Variants in CDH12 observed in about 807,000 individuals in gnomAD.
CDH12 encodes the protein cadherin-12.
CDH12 carries 41 observed loss-of-function variants against 74.1 expected under a neutral mutation model. The ratio of observed to expected loss-of-function variants is 0.55; its 90% CI spans 0.43 to 0.72. The LOEUF (loss-of-function observed/expected upper bound fraction) is 0.72, where lower values mean the gene tolerates loss of function less well. CDH12 is among the 30% of genes least tolerant of loss of function. The pLI is 0.00. For missense variants in CDH12, 945 were observed against 977.2 expected, an observed-to-expected ratio of 0.97 and a Z score of 0.44; for synonymous variants, 399 against 355.0, an observed-to-expected ratio of 1.12 and a Z score of -1.39.
At chr5:21,943,573 A>G (rs1755436584) in intron 6 of CDH12, among the ~76,000 whole-genome samples, 1 of 152,224 alleles carries the variant, frequency 6.6e-6, no homozygotes, top group African/African-American at 2.4e-5. Flanking sequence ...CCATTACATT[A>G]GGATTACATA....
chr5:21,802,284 T>C lies in CDH12; in HGVS notation c.1139A>G (p.Glu380Gly). 6.2e-7 allele frequency: 1 copy of C among 1,611,006 alleles called. No homozygotes were observed. Among genetic ancestry groups the C allele is most frequent in the Non-Finnish European group, 8.5e-7 (1 of 1,178,864 alleles). Reference protein sequence around the residue: ...TVKISVLDVDEPPVFSKPLYT... With the variant: ...TVKISVLDVDGPPVFSKPLYT... ...GAGCGGCTTGCTGAAAACCGGTGGC[T>C]CATCTACGTCCAGCACGCTGATCTT... Residue 380 changes from glutamate to glycine, a missense_variant, in exon 10 of 15, where the codon GAG (glutamate) becomes GGG (glycine). By Grantham distance (98) the Glu-to-Gly change is moderately conservative (BLOSUM62 -2). Transcript: ENST00000382254.
At chr5:22,315,119 C>CTTTTTTTTTTTTTTTTTTT (rs70959715) in intron 3 of CDH12, among the ~76,000 whole-genome samples, 2 of 22,996 alleles carry the variant, frequency 8.7e-5, no homozygotes, top group Non-Finnish European at 1.4e-4. Context: ...GCCTGCCTGG[C>CTTTTTTTTTTTTTTTTTTT]TTTTTTTTTT....
chr5:21,770,898 A>C (rs181102357), intron 11 of CDH12, among the ~76,000 whole-genome samples: 8 of 152,300 alleles, frequency 5.3e-5, no homozygotes, highest in African/African-American at 1.9e-4. Flanking sequence ...GAATAAGATC[A>C]TGACCTTTGC....
intron 6 of CDH12, among the ~76,000 whole-genome samples, chr5:21,937,247 T>C (rs1184923936): frequency 6.6e-6 from 1 of 152,156 alleles, no homozygotes; most frequent in Non-Finnish European, 1.5e-5. Context: ...GCCTTATATG[T>C]TATAAAAGGG....
chr5:21,907,228 C>T (rs183302385), intron 6 of CDH12, among the ~76,000 whole-genome samples: 1 of 152,210 alleles, frequency 6.6e-6, no homozygotes, highest in Non-Finnish European at 1.5e-5. Context: ...AAAAAATACG[C>T]CCAAATAGGG....
intron 1 of CDH12, among the ~76,000 whole-genome samples, chr5:22,622,384 T>C (rs1464482779): frequency 6.6e-6 from 1 of 151,912 alleles, no homozygotes; most frequent in Non-Finnish European, 1.5e-5. Flanking sequence ...CTGGACTAAA[T>C]GAGGAGGAAG....
intron 1 of CDH12, among the ~76,000 whole-genome samples, chr5:22,651,356 G>A (rs1366065967): frequency 6.6e-6 from 1 of 152,034 alleles, no homozygotes. Context: ...AAAAAGGAAG[G>A]GGGAGGCTTA....
chr5:21,834,742 T>C (rs1477817959), intron 8 of CDH12, among the ~76,000 whole-genome samples: 1 of 151,996 alleles, frequency 6.6e-6, no homozygotes, highest in Non-Finnish European at 1.5e-5. Flanking sequence ...ATGCATTTTG[T>C]AGTCAAAACT....
At chr5:21,790,229 C>T (rs1746414420) in intron 10 of CDH12, among the ~76,000 whole-genome samples, 1 of 151,902 alleles carries the variant, frequency 6.6e-6, no homozygotes, top group Non-Finnish European at 1.5e-5. Flanking sequence ...AGTGAATCAC[C>T]ACATATACAG....
chr5:22,231,228 C>T (rs1358344038), intron 3 of CDH12, among the ~76,000 whole-genome samples: 2 of 152,080 alleles, frequency 1.3e-5, no homozygotes, highest in African/African-American at 4.8e-5. Context: ...TCCCAGTTTA[C>T]AATAGGGATT....
intron 1 of CDH12, among the ~76,000 whole-genome samples, chr5:22,593,997 G>A (rs1736474864): frequency 6.6e-6 from 1 of 152,194 alleles, no homozygotes; most frequent in Admixed American, 6.5e-5. Flanking sequence ...AGGAAGGAAT[G>A]CTTGAATTGG....
At chr5:22,175,868 A>C (rs964231487) in intron 4 of CDH12, among the ~76,000 whole-genome samples, 2 of 152,112 alleles carry the variant, frequency 1.3e-5, no homozygotes, top group Admixed American at 1.3e-4. Context: ...TGAGCTCAGG[A>C]GCTTTCTCCT....
intron 2 of CDH12, among the ~76,000 whole-genome samples, chr5:22,495,784 G>A (rs938477031): frequency 6.6e-5 from 10 of 151,858 alleles, no homozygotes; most frequent in Non-Finnish European, 1.3e-4. Context: ...TATTAACTGA[G>A]TATGACGCCC....
intron 5 of CDH12, among the ~76,000 whole-genome samples, chr5:22,011,232 C>A (rs1737276874): frequency 6.6e-6 from 1 of 152,054 alleles, no homozygotes; most frequent in Admixed American, 6.6e-5. Context: ...TGAAGCCAGA[C>A]CTGCATAGAG....
chr5:21,953,490 T>C (rs1482865813), intron 6 of CDH12, among the ~76,000 whole-genome samples: 2 of 152,216 alleles, frequency 1.3e-5, no homozygotes, highest in African/African-American at 2.4e-5. Context: ...AATTTGTTTT[T>C]TGTGTATTTT....
chr5:22,075,604 A>T (rs960628302), intron 5 of CDH12, among the ~76,000 whole-genome samples: 1 of 152,166 alleles, frequency 6.6e-6, no homozygotes, highest in Non-Finnish European at 1.5e-5. Flanking sequence ...ATACATATAT[A>T]AACATAACAT....
intron 1 of CDH12, among the ~76,000 whole-genome samples, chr5:22,532,319 G>C (rs187493434): frequency 1.0e-5 from 1 of 98,064 alleles, no homozygotes. Context: ...CTTTGGCATG[G>C]GCAGTTCTAA....
intron 1 of CDH12, among the ~76,000 whole-genome samples, chr5:22,530,452 G>A (rs1052572463): frequency 1.3e-5 from 2 of 152,054 alleles, no homozygotes; most frequent in Non-Finnish European, 2.9e-5. Context: ...TAAATGAATA[G>A]AAGTATCCTT....
rs75560405 is a variant in CDH12, at chr5:22,118,934, G to A, written c.-186-40072C>T. On this transcript the variant is annotated intron_variant, in intron 4 of 14. Coordinates refer to ENST00000382254, the MANE Select transcript of CDH12 (RefSeq NM_004061.5). ...AGTTGTTAAGCAGGCCACATGGAAA[G>A]TTCTGTTCTGGGGAGTGATAATTGC... is the stretch of plus-strand genomic sequence containing the variant. Among the ~76,000 whole-genome samples, 10 of 152,264 alleles carry A rather than the reference G, an allele frequency of 6.6e-5. No individual in the cohort carries two copies. The East Asian group carries it at 1.9e-3, about 29-fold the overall frequency.
Sources: allele counts gnomAD v4.1 joint callset (sites outside exome capture counted in the v4.1 genomes callset), GRCh38; gene constraint gnomAD v4.1.1; transcripts MANE v1.5; gene names NCBI Gene and HGNC (gene_info 2026-07-23, HGNC 2026-07-21).